UNC13C: variants seen among roughly 807,000 people sequenced by gnomAD.
UNC13C encodes the protein unc-13 homolog C, also known as protein unc-13 homolog C.
UNC13C carries 174 observed loss-of-function variants against 245.4 expected under a neutral mutation model. The ratio of observed to expected loss-of-function variants is 0.71; its 90% CI spans 0.63 to 0.80. The LOEUF (loss-of-function observed/expected upper bound fraction) is 0.80. Among genes scored for constraint, UNC13C ranks in the 30% least tolerant of loss-of-function variants. UNC13C has a pLI of 0.00. For missense variants in UNC13C, 2,829 were observed against 2,602.9 expected, an observed-to-expected ratio of 1.09 and a Z score of -1.89; for synonymous variants, 992 against 895.1, an observed-to-expected ratio of 1.11 and a Z score of -1.93.
the UNC13C span, among the ~76,000 whole-genome samples, chr15:53,953,405 G>A: frequency 6.6e-6 from 1 of 152,160 alleles, no homozygotes; most frequent in Non-Finnish European, 1.5e-5. Context: ...AGGCACATTA[G>A]CAATGAGTCT....
chr15:54,122,353 A>G (rs993431127), intron 2 of UNC13C, among the ~76,000 whole-genome samples: 4 of 152,042 alleles, frequency 2.6e-5, no homozygotes, highest in African/African-American at 9.7e-5. Flanking sequence ...AGTTTTTGGT[A>G]GTTGTGAATA....
downstream of UNC13C, chr15:54,631,110 C>T (rs752735094): frequency 1.3e-5 from 2 of 152,060 alleles, no homozygotes; most frequent in African/African-American, 2.4e-5. Context: ...ACTGAGAGGC[C>T]GAGACAGGCA....
chr15:53,938,623 A>C, the UNC13C span, among the ~76,000 whole-genome samples: 3 of 152,184 alleles, frequency 2.0e-5, no homozygotes, highest in Non-Finnish European at 2.9e-5. Flanking sequence ...AACACTCCTC[A>C]GCAAATGCAA....
the UNC13C span, among the ~76,000 whole-genome samples, chr15:53,874,922 CA>C: frequency 6.6e-6 from 1 of 152,052 alleles, no homozygotes; most frequent in Non-Finnish European, 1.5e-5. Context: ...AGTGAAACCC[CA>C]TCTCTACTAA....
chr15:53,978,007 A>G (rs1030130985), upstream of UNC13C, among the ~76,000 whole-genome samples: 32 of 152,216 alleles, frequency 2.1e-4, no homozygotes, highest in African/African-American at 7.7e-4. Context: ...CTATTTAAAT[A>G]CAGGGTCCTG....
At chr15:54,350,050 G>C (rs981740397) in intron 17 of UNC13C, among the ~76,000 whole-genome samples, 1 of 152,038 alleles carries the variant, frequency 6.6e-6, no homozygotes, top group Admixed American at 6.5e-5. Flanking sequence ...TGAGTGCAGT[G>C]GCACGAACTG....
intron 1 of UNC13C, among the ~76,000 whole-genome samples, chr15:54,009,913 C>T (rs1335964731): frequency 6.6e-6 from 1 of 152,134 alleles, no homozygotes; most frequent in East Asian, 1.9e-4. Context: ...CCATTAGTGC[C>T]TACTCCTCAA....
chr15:54,304,420 CAT>C (rs774034477), intron 13 of UNC13C, among the ~76,000 whole-genome samples: 11 of 151,976 alleles, frequency 7.2e-5, no homozygotes, highest in African/African-American at 1.2e-4. Flanking sequence ...TTATATATCA[CAT>C]GTTTCTTTTA....
chr15:53,922,343 T>G, the UNC13C span, among the ~76,000 whole-genome samples: 1 of 152,212 alleles, frequency 6.6e-6, no homozygotes, highest in African/African-American at 2.4e-5. Context: ...TATTAATAGT[T>G]TTTGAAATCC....
chr15:54,594,164 C>T (rs919265539), intron 30 of UNC13C, among the ~76,000 whole-genome samples: 4 of 152,184 alleles, frequency 2.6e-5, no homozygotes, highest in African/African-American at 9.7e-5. Flanking sequence ...TGCACAGAGT[C>T]TTGTGGTGTG....
At chr15:53,945,880 T>C in the UNC13C span, among the ~76,000 whole-genome samples, 66,819 of 151,986 alleles carry the variant, frequency 0.44, 14,880 homozygotes, top group East Asian at 0.62. Context: ...TATCCATGAG[T>C]ATGGAATGTT....
the UNC13C span, among the ~76,000 whole-genome samples, chr15:53,910,022 A>G: frequency 2.2e-5 from 3 of 137,568 alleles, no homozygotes; most frequent in Non-Finnish European, 3.2e-5. Flanking sequence ...TTTGCCTTGG[A>G]GCCAATGTAT....
At chr15:53,971,263 T>C in the UNC13C span, among the ~76,000 whole-genome samples, 385 of 152,314 alleles carry the variant, frequency 2.5e-3, 1 homozygote, top group African/African-American at 8.8e-3. Flanking sequence ...TGAGTGACAT[T>C]GGATGCTTAC....
the UNC13C span, among the ~76,000 whole-genome samples, chr15:53,891,430 G>A: frequency 6.6e-6 from 1 of 152,216 alleles, no homozygotes; most frequent in Non-Finnish European, 1.5e-5. Context: ...TTAATTTTCT[G>A]TCTCGTTGAT....
At position 54,172,320 on chromosome 15, in the gene UNC13C, T is replaced by C. The variant is rs114326568; in HGVS notation, c.3071+28636T>C. Reference sequence around the variant, plus strand: ...GTGAAGGATACCCCATTGACTCTTATGTGATTATTATGTATTGCATGCCTG... The same window carrying C: ...GTGAAGGATACCCCATTGACTCTTACGTGATTATTATGTATTGCATGCCTG... On this transcript the variant is annotated intron_variant, in intron 4 of 32. Coordinates refer to ENST00000260323, the MANE Select transcript of UNC13C (RefSeq NM_001080534.3). 6.1e-3 allele frequency among the ~76,000 whole-genome samples: 930 copies of C among 152,108 alleles called. 11 individuals are homozygous for C. The highest frequency in any genetic ancestry group is 0.021 in the African/African-American group (891 of 41,540).
chr15:54,622,285 G>A (rs752779491), intron 30 of UNC13C, 42 bp from the exon 31 acceptor site: 2 of 1,308,550 alleles, frequency 1.5e-6, no homozygotes, highest in South Asian at 1.2e-5. Context: ...CATTATTAAT[G>A]AGTCTGAAAG....
At chr15:53,880,980 A>C in the UNC13C span, among the ~76,000 whole-genome samples, 1 of 152,280 alleles carries the variant, frequency 6.6e-6, no homozygotes, top group South Asian at 2.1e-4. Flanking sequence ...GAGGGAATAA[A>C]ATATAAGCAA....
At chr15:54,207,261 A>T (rs1208396293) in intron 4 of UNC13C, among the ~76,000 whole-genome samples, 1 of 152,080 alleles carries the variant, frequency 6.6e-6, no homozygotes, top group Non-Finnish European at 1.5e-5. Context: ...GTTTGCCATC[A>T]TAAATAGATT....
chr15:54,201,921 A>G (rs2034536707), intron 4 of UNC13C, among the ~76,000 whole-genome samples: 1 of 151,898 alleles, frequency 6.6e-6, no homozygotes. Context: ...AACCCTAAAG[A>G]CTCATCCAAA....
Sources: gnomAD v4.1 joint callset for allele counts (sites outside exome capture counted in the v4.1 genomes callset) on GRCh38, gnomAD v4.1.1 for gene constraint, MANE v1.5 for transcripts, NCBI Gene and HGNC (gene_info 2026-07-23, HGNC 2026-07-21) for gene names.